The following TMC1 variants were observed in gnomAD, a reference collection of about 807,000 sequenced individuals.
TMC1 encodes the protein transmembrane channel like 1, also known as transmembrane channel-like protein 1.
Under a neutral mutation model 105.8 loss-of-function variants are expected in TMC1, and 84 were observed. The observed-to-expected ratio is 0.79, with a 90% confidence interval of 0.67 to 0.95. The LOEUF is 0.95. Among genes scored for constraint, TMC1 ranks in the 40% least tolerant of loss-of-function variants. The probability of loss-of-function intolerance (pLI) is 0.00; values close to 1 mark genes in which losing one functional copy is unlikely to be tolerated. For missense variants in TMC1, 817 were observed against 914.1 expected (o/e 0.89, Z 1.37); for synonymous variants, 315 against 311.5 (o/e 1.01, Z -0.12).
In TMC1 at chr9:72,792,065, G is replaced by A. The variant is rs1356766182; in HGVS notation, c.1404G>A (p.Lys468=). 3 of 1,613,926 alleles carry A rather than the reference G, an allele frequency of 1.9e-6. No homozygotes were observed. The highest frequency in any genetic ancestry group is 2.5e-6 in the Non-Finnish European group (3 of 1,179,992). The stretch of plus-strand genomic sequence containing the variant: ...CATTAATGGATGAGATTAACAACAA[G>A]GTAAGCCTTGTTTCTGGATTGTCCT... The part of the protein sequence containing the change: ...ILALMDEINN[K]IEEEKLVKAN... The change falls in exon 16 of 24, where the codon AAG becomes AAA. Residue 468 remains lysine (K), a splice_region_variant and synonymous_variant. Coordinates refer to ENST00000297784, the MANE Select transcript of TMC1 (RefSeq NM_138691.3).
intron 5 of TMC1, among the ~76,000 whole-genome samples, chr9:72,652,872 C>T (rs1040783186): frequency 6.6e-6 from 1 of 152,048 alleles, no homozygotes; most frequent in Non-Finnish European, 1.5e-5. Context: ...AATTGACATA[C>T]AAAATAAAGG....
chr9:72,829,368 C>T (rs954073140), intron 21 of TMC1, among the ~76,000 whole-genome samples: 2 of 152,176 alleles, frequency 1.3e-5, no homozygotes, highest in Non-Finnish European at 2.9e-5. Context: ...ACTTATTTAA[C>T]GTGCATTACA....
intron 19 of TMC1, among the ~76,000 whole-genome samples, chr9:72,818,138 T>A (rs911854605): frequency 6.6e-6 from 1 of 152,200 alleles, no homozygotes; most frequent in African/African-American, 2.4e-5. Context: ...AATCGTTCCA[T>A]TATTTTATGA....
chr9:72,548,937 T>C (rs372164833), intron 1 of TMC1, among the ~76,000 whole-genome samples: 2 of 152,232 alleles, frequency 1.3e-5, no homozygotes, highest in East Asian at 3.8e-4. Flanking sequence ...AGCAAGCTCA[T>C]GAGAGAAGAA....
chr9:72,744,444 A>G (rs1217832187), intron 10 of TMC1, among the ~76,000 whole-genome samples: 3 of 152,232 alleles, frequency 2.0e-5, no homozygotes, highest in Non-Finnish European at 4.4e-5. Flanking sequence ...CAAAAAAGAG[A>G]AGACATCATG....
chr9:72,806,975 T>C (rs1458976341), intron 18 of TMC1, among the ~76,000 whole-genome samples: 3 of 152,262 alleles, frequency 2.0e-5, no homozygotes, highest in South Asian at 4.1e-4. Flanking sequence ...CTGGGCACCA[T>C]TGAGCACTGA....
chr9:72,530,023 G>T (rs1823472886), intron 1 of TMC1, among the ~76,000 whole-genome samples: 1 of 152,116 alleles, frequency 6.6e-6, no homozygotes, highest in Non-Finnish European at 1.5e-5. Flanking sequence ...GTAAAACCCA[G>T]AATTTCTACA....
chr9:72,605,598 T>C (rs1824898900), intron 2 of TMC1, among the ~76,000 whole-genome samples: 1 of 141,226 alleles, frequency 7.1e-6, no homozygotes, highest in African/African-American at 2.7e-5. Context: ...TTTTTTGAGA[T>C]GGAGTCTCAC....
At chr9:72,599,868 A>G (rs1469912506) in intron 2 of TMC1, among the ~76,000 whole-genome samples, 1 of 152,178 alleles carries the variant, frequency 6.6e-6, no homozygotes, top group African/African-American at 2.4e-5. Context: ...TTTTGCTGTC[A>G]GTAAAAGTTA....
chr9:72,636,363 C>T (rs1198022483), intron 4 of TMC1, among the ~76,000 whole-genome samples: 1 of 152,112 alleles, frequency 6.6e-6, no homozygotes, highest in Non-Finnish European at 1.5e-5. Context: ...CTTTCTGTCC[C>T]AGGTCTTTCT....
chr9:72,571,330 A>C (rs1587965751), intron 1 of TMC1, among the ~76,000 whole-genome samples: 1 of 151,766 alleles, frequency 6.6e-6, no homozygotes, highest in African/African-American at 2.4e-5. Flanking sequence ...CTCAAAAAAA[A>C]GAAAAGAAAA....
intron 8 of TMC1, among the ~76,000 whole-genome samples, chr9:72,739,289 C>G (rs1387244425): frequency 6.6e-6 from 1 of 152,176 alleles, no homozygotes; most frequent in African/African-American, 2.4e-5. Flanking sequence ...CCCCCATGGC[C>G]AATTACCTCC....
rs538637281 is a variant in TMC1, at chr9:72,736,806, A to G, written c.363-3313A>G. Among the ~76,000 whole-genome samples, 10 of 152,338 alleles carry G rather than the reference A, an allele frequency of 6.6e-5. No homozygotes were observed. The East Asian group carries it at 1.5e-3, about 23-fold the overall frequency. Reference sequence around the variant, plus strand: ...TGTATGGGTTCCTAAAAATCCCGACACTATGCAAAATTGGGCAATAAAAAC... The same window carrying G: ...TGTATGGGTTCCTAAAAATCCCGACGCTATGCAAAATTGGGCAATAAAAAC... On this transcript the variant is annotated intron_variant, in intron 8 of 23. Coordinates refer to ENST00000297784, the MANE Select transcript of TMC1 (RefSeq NM_138691.3).
At chr9:72,617,131 G>A (rs1299892931) in intron 3 of TMC1, among the ~76,000 whole-genome samples, 4 of 152,012 alleles carry the variant, frequency 2.6e-5, no homozygotes, top group African/African-American at 9.7e-5. Context: ...CGCTTATGCA[G>A]TCCTGTATGT....
chr9:72,624,472 T>A (rs1825311630), intron 3 of TMC1, among the ~76,000 whole-genome samples: 2 of 152,234 alleles, frequency 1.3e-5, no homozygotes, highest in African/African-American at 4.8e-5. Flanking sequence ...AGCCATTCAC[T>A]ACTGCTTAGA....
At chr9:72,803,544 C>T (rs1336955248) in intron 17 of TMC1, among the ~76,000 whole-genome samples, 1 of 152,066 alleles carries the variant, frequency 6.6e-6, no homozygotes, top group East Asian at 1.9e-4. Flanking sequence ...GAGAAAAAAA[C>T]ATACAACCCC....
rs1485362905 is a variant in TMC1, at chr9:72,628,042, T to A, written c.-74T>A. On this transcript the variant is annotated 5_prime_UTR_variant, in exon 4 of 24. Coordinates refer to ENST00000297784, the MANE Select transcript of TMC1 (RefSeq NM_138691.3). Reference sequence around the variant, plus strand: ...CCACGTGGAGTGGTCTGGTGAATGCTTAAGGAGCTGCAGAAGGGAAGGTAG... The same window carrying A: ...CCACGTGGAGTGGTCTGGTGAATGCATAAGGAGCTGCAGAAGGGAAGGTAG... The A allele has an allele frequency of 2.2e-6, 1 of 455,708 alleles. No homozygotes were observed. 28.2% of individuals were successfully genotyped at this position (455,708 alleles called of 1,614,324 possible). A position where few individuals can be genotyped will look rare whatever the true frequency, so the allele number is the denominator to read the frequency against.
At chr9:72,533,493 G>A (rs752370249) in intron 1 of TMC1, among the ~76,000 whole-genome samples, 4 of 152,176 alleles carry the variant, frequency 2.6e-5, no homozygotes, top group Non-Finnish European at 5.9e-5. Context: ...GCAACCACCA[G>A]AGTTGTGGTT....
intron 12 of TMC1, among the ~76,000 whole-genome samples, chr9:72,766,358 A>T (rs898426287): frequency 2.0e-5 from 3 of 151,474 alleles, no homozygotes; most frequent in Non-Finnish European, 4.4e-5. Context: ...CGGAGCTTGC[A>T]GTGAGCCGAA....
Sources: gnomAD v4.1 joint callset for allele counts (sites outside exome capture counted in the v4.1 genomes callset) on GRCh38, gnomAD v4.1.1 for gene constraint, MANE v1.5 for transcripts, NCBI Gene and HGNC (gene_info 2026-07-23, HGNC 2026-07-21) for gene names.